The following THRB variants were observed in gnomAD, a reference collection of about 807,000 sequenced individuals.
THRB encodes nuclear receptor subfamily 1 group A member 2.
Under a neutral mutation model 47.8 loss-of-function variants are expected in THRB, and 12 were observed. The observed-to-expected ratio is 0.25, with a 90% confidence interval of 0.16 to 0.41. The LOEUF (loss-of-function observed/expected upper bound fraction) is 0.41, where lower values mean the gene tolerates loss of function less well. Among genes scored for constraint, THRB ranks in the 10% least tolerant of loss-of-function variants. THRB has a pLI of 1.00. For missense variants in THRB, 348 were observed against 589.2 expected (o/e 0.59, Z 4.24); for synonymous variants, 218 against 212.2 (o/e 1.03, Z -0.24).
At chr3:24,177,058 A>G (rs2149419393) in intron 5 of THRB, among the ~76,000 whole-genome samples, 1 of 152,296 alleles carries the variant, frequency 6.6e-6, no homozygotes, top group African/African-American at 2.4e-5. Flanking sequence ...TATCAATACC[A>G]TGTATGTTAT....
chr3:24,294,214 A>G (rs1479365378), intron 3 of THRB, among the ~76,000 whole-genome samples: 2 of 152,188 alleles, frequency 1.3e-5, no homozygotes, highest in African/African-American at 4.8e-5. Flanking sequence ...AAGCTAGCTA[A>G]ACGGAGAGAC....
At chr3:24,211,785 T>C (rs1336556122) in intron 4 of THRB, among the ~76,000 whole-genome samples, 1 of 152,182 alleles carries the variant, frequency 6.6e-6, no homozygotes, top group Non-Finnish European at 1.5e-5. Flanking sequence ...CTCTTTGTTT[T>C]TCCGACCCTC....
At chr3:24,377,872 C>T (rs1345028071) in intron 1 of THRB, among the ~76,000 whole-genome samples, 1 of 152,038 alleles carries the variant, frequency 6.6e-6, no homozygotes, top group Non-Finnish European at 1.5e-5. Context: ...TTTCCACAGT[C>T]AGCTAGATAA....
At chr3:24,407,674 A>C (rs1350299082) in intron 1 of THRB, among the ~76,000 whole-genome samples, 1 of 151,832 alleles carries the variant, frequency 6.6e-6, no homozygotes, top group Non-Finnish European at 1.5e-5. Flanking sequence ...GCGTTGGATA[A>C]TCTCAAAGGC....
At chr3:24,218,228 A>G (rs1022020155) in intron 4 of THRB, among the ~76,000 whole-genome samples, 1 of 151,836 alleles carries the variant, frequency 6.6e-6, no homozygotes, top group African/African-American at 2.4e-5. Context: ...AGATTGCGCC[A>G]CTGCACTCCA....
intron 2 of THRB, among the ~76,000 whole-genome samples, chr3:24,323,651 G>T (rs1024660086): frequency 6.6e-6 from 1 of 152,168 alleles, no homozygotes; most frequent in Non-Finnish European, 1.5e-5. Context: ...AATCCTGTGA[G>T]ATCAGAAACA....
At chr3:24,392,942 A>G (rs2066687311) in intron 1 of THRB, among the ~76,000 whole-genome samples, 1 of 152,176 alleles carries the variant, frequency 6.6e-6, no homozygotes, top group Admixed American at 6.5e-5. Context: ...AAGGACATAT[A>G]TAATAATGTG....
intron 4 of THRB, among the ~76,000 whole-genome samples, chr3:24,217,772 T>C (rs897732515): frequency 2.0e-5 from 3 of 152,144 alleles, no homozygotes; most frequent in Non-Finnish European, 4.4e-5. Context: ...TACTGTGTGG[T>C]GTGGTCCCTT....
chr3:24,332,956 G>T (rs956796861), intron 2 of THRB, among the ~76,000 whole-genome samples: 1 of 152,114 alleles, frequency 6.6e-6, no homozygotes, highest in Non-Finnish European at 1.5e-5. Flanking sequence ...GTGGTGGCGG[G>T]TGCCTATAGT....
At chr3:24,452,514 C>T (rs771319672) in intron 1 of THRB, among the ~76,000 whole-genome samples, 1 of 152,108 alleles carries the variant, frequency 6.6e-6, no homozygotes, top group Admixed American at 6.6e-5. Context: ...TAGTATGTGC[C>T]AGATGTACAT....
intron 5 of THRB, among the ~76,000 whole-genome samples, chr3:24,185,126 T>C (rs2042403926): frequency 6.6e-6 from 1 of 152,222 alleles, no homozygotes; most frequent in Non-Finnish European, 1.5e-5. Flanking sequence ...ACATAAGATA[T>C]TGTTTAAAAA....
chr3:24,242,777 G>A (rs2049681106), intron 3 of THRB, among the ~76,000 whole-genome samples: 1 of 152,054 alleles, frequency 6.6e-6, no homozygotes, highest in Admixed American at 6.6e-5. Flanking sequence ...CACATTCAGA[G>A]GCTCGTGTTT....
At chr3:24,286,384 T>C (rs2055299669) in intron 3 of THRB, among the ~76,000 whole-genome samples, 1 of 152,230 alleles carries the variant, frequency 6.6e-6, no homozygotes. Flanking sequence ...ATATTCATAG[T>C]TGGGAGGAAA....
chr3:24,330,223 C>G (rs1020548791), intron 2 of THRB, among the ~76,000 whole-genome samples: 6 of 152,148 alleles, frequency 3.9e-5, no homozygotes, highest in Non-Finnish European at 7.4e-5. Context: ...AGGAGAATGG[C>G]GTGAACCCGG....
At chr3:24,457,863 TAG>T (rs1239980570) in intron 1 of THRB, 3 of 151,898 alleles carry the variant, frequency 2.0e-5, no homozygotes, top group African/African-American at 7.3e-5. Flanking sequence ...GCCTTTAGAG[TAG>T]AGTTAGGCGC....
At chr3:24,180,647 G>A (rs950789080) in intron 5 of THRB, among the ~76,000 whole-genome samples, 1 of 152,150 alleles carries the variant, frequency 6.6e-6, no homozygotes, top group African/African-American at 2.4e-5. Flanking sequence ...AGTGTGGATA[G>A]AGGCTCATAT....
At chr3:24,166,261 AGACT>A (rs2039632861) in intron 5 of THRB, among the ~76,000 whole-genome samples, 2 of 152,206 alleles carry the variant, frequency 1.3e-5, no homozygotes, top group African/African-American at 4.8e-5. Flanking sequence ...AAGGCATGAG[AGACT>A]GTATGCCAAT....
intron 4 of THRB, among the ~76,000 whole-genome samples, chr3:24,201,593 A>G (rs1443069591): frequency 6.6e-6 from 1 of 152,210 alleles, no homozygotes; most frequent in Non-Finnish European, 1.5e-5. Flanking sequence ...TGGTTACCCA[A>G]GTGAAATGTT....
At chr3:24,465,950 C>T (rs2074114855) in intron 1 of THRB, among the ~76,000 whole-genome samples, 2 of 152,114 alleles carry the variant, frequency 1.3e-5, no homozygotes, top group Admixed American at 6.5e-5. Context: ...TCCATTTCTT[C>T]CTTCCTAGAG....
Sources: gnomAD v4.1 joint callset for allele counts (sites outside exome capture counted in the v4.1 genomes callset) on GRCh38, gnomAD v4.1.1 for gene constraint, MANE v1.5 for transcripts, NCBI Gene and HGNC (gene_info 2026-07-23, HGNC 2026-07-21) for gene names.